The following PGS1 variants were observed in gnomAD, a reference collection of about 807,000 sequenced individuals.
PGS1 encodes phosphatidylglycerophosphate synthase 1.
PGS1 carries 44 observed loss-of-function variants against 58.3 expected under a neutral mutation model. The ratio of observed to expected loss-of-function variants is 0.75; its 90% CI spans 0.59 to 0.97. PGS1 has a LOEUF of 0.97. Ranked by LOEUF, PGS1 falls within the 50% of genes least tolerant of loss-of-function variation. PGS1 has a pLI of 0.00. For missense variants in PGS1, 684 were observed against 731.1 expected (o/e 0.94, Z 0.74); for synonymous variants, 330 against 311.0 (o/e 1.06, Z -0.64).
At chr17:78,388,116 T>G (rs1455914308) in intron 1 of PGS1, among the ~76,000 whole-genome samples, 1 of 152,216 alleles carries the variant, frequency 6.6e-6, no homozygotes, top group East Asian at 1.9e-4. Flanking sequence ...AACCTGTCAG[T>G]ACACAGATTA....
intron 7 of PGS1, among the ~76,000 whole-genome samples, chr17:78,409,914 C>G (rs1275444524): frequency 1.3e-5 from 2 of 152,132 alleles, no homozygotes; most frequent in Non-Finnish European, 2.9e-5. Flanking sequence ...AGTTTGAGAC[C>G]AATCTGGCCA....
chr17:78,415,121 C>A, intron 8 of PGS1, 94 bp downstream of exon 8: 1 of 1,408,392 alleles, frequency 7.1e-7, no homozygotes, highest in South Asian at 1.2e-5. Flanking sequence ...AGAGCTGTTT[C>A]CTGAGGCAAC....
intron 6 of PGS1, among the ~76,000 whole-genome samples, chr17:78,402,631 A>G (rs1394871098): frequency 6.6e-6 from 1 of 152,104 alleles, no homozygotes; most frequent in East Asian, 1.9e-4. Flanking sequence ...TACTCTTGGT[A>G]GAGACAGGGT....
intron 7 of PGS1, among the ~76,000 whole-genome samples, chr17:78,406,571 C>T (rs1001340738): frequency 9.9e-5 from 15 of 152,250 alleles, no homozygotes; most frequent in Admixed American, 2.0e-4. Flanking sequence ...GCCACACTGT[C>T]CTGCAGGACC....
chr17:78,401,976 C>T lies in PGS1; in HGVS notation c.880+1121C>T, dbSNP rs375378607. Among the ~76,000 whole-genome samples, 34 of 152,294 alleles carry T rather than the reference C, an allele frequency of 2.2e-4. No homozygotes were observed. The East Asian group carries it at 2.9e-3, about 13-fold the overall frequency. ...AGGCCAGGATGAGAGCCAGCACGCTCCGAGCAGGAGCGGGGAGACTCGAGC... is the reference window on the plus strand; with the variant it reads ...AGGCCAGGATGAGAGCCAGCACGCTTCGAGCAGGAGCGGGGAGACTCGAGC... On this transcript the variant is annotated intron_variant, in intron 6 of 9. Transcript: ENST00000262764.
At chr17:78,397,807 G>A (rs1483085081) in intron 3 of PGS1, among the ~76,000 whole-genome samples, 3 of 152,208 alleles carry the variant, frequency 2.0e-5, no homozygotes, top group African/African-American at 7.2e-5. Flanking sequence ...GGAGAAGAAT[G>A]GAATGTCCGC....
At chr17:78,402,741 C>T (rs1006879891) in intron 6 of PGS1, among the ~76,000 whole-genome samples, 3 of 152,246 alleles carry the variant, frequency 2.0e-5, no homozygotes, top group African/African-American at 7.2e-5. Flanking sequence ...GCGTGAGCCA[C>T]TGTGCCCGGC....
At chr17:78,402,971 G>T (rs750853448) in intron 6 of PGS1, among the ~76,000 whole-genome samples, 1 of 152,098 alleles carries the variant, frequency 6.6e-6, no homozygotes, top group Non-Finnish European at 1.5e-5. Flanking sequence ...GAGCCTGCCC[G>T]TTCTTCCTCT....
At chr17:78,390,062 T>TCCCCCCCCCCCCCCCCC (rs1555628316) in intron 1 of PGS1, among the ~76,000 whole-genome samples, 8 of 128,598 alleles carry the variant, frequency 6.2e-5, no homozygotes, top group Non-Finnish European at 6.6e-5. Context: ...TGTTGCCTGT[T>TCCCCCCCCCCCCCCCCC]CCCCCGCCCC....
In PGS1 at chr17:78,396,356, C is replaced by G. The variant is rs1423442701; in HGVS notation, c.382C>G (p.Leu128Val). 1 of 1,613,216 alleles carries G rather than the reference C, an allele frequency of 6.2e-7. No individual in the cohort carries two copies. The highest frequency in any genetic ancestry group is 2.2e-5 in the East Asian group (1 of 44,840). Residue 128 changes from leucine (L) to valine (V), a missense_variant, in exon 3 of 10, where the codon CTG becomes GTG. Leu to Val is a conservative substitution (Grantham distance 32). Coordinates refer to ENST00000262764, the MANE Select transcript of PGS1 (RefSeq NM_024419.5). ...KRRVVMASLY[L>V]GTGPLEQELV... Reference sequence around the variant, plus strand: ...GCGGGTCGTGATGGCATCCCTCTACCTGGGGACAGGTCCTTTGGAACAGGA... The same window carrying G: ...GCGGGTCGTGATGGCATCCCTCTACGTGGGGACAGGTCCTTTGGAACAGGA...
At chr17:78,415,116 T>C in intron 8 of PGS1, 89 bp downstream of exon 8, 1 of 1,482,752 alleles carries the variant, frequency 6.7e-7, no homozygotes, top group South Asian at 1.2e-5. Context: ...CCCTGAGAGC[T>C]GTTTCCTGAG....
chr17:78,384,420 C>G (rs1328845261), intron 1 of PGS1, among the ~76,000 whole-genome samples: 2 of 152,158 alleles, frequency 1.3e-5, no homozygotes, highest in Non-Finnish European at 2.9e-5. Context: ...CATCAGTTCA[C>G]TTTTTTACAT....
chr17:78,423,849 T>A (rs1158940834), intron 9 of PGS1: 3 of 1,598,380 alleles, frequency 1.9e-6, no homozygotes, highest in Non-Finnish European at 2.6e-6. Context: ...GGTGCACAGG[T>A]GAAGGGCTGA....
chr17:78,417,473 G>C (rs975587336), intron 8 of PGS1, among the ~76,000 whole-genome samples: 3 of 152,040 alleles, frequency 2.0e-5, no homozygotes, highest in Non-Finnish European at 4.4e-5. Context: ...ACGGGGGCAG[G>C]GGGTAATGAA....
chr17:78,406,946 G>GT lies in PGS1; in HGVS notation c.1402+2858dup, dbSNP rs1179455901. 2.0e-5 allele frequency among the ~76,000 whole-genome samples: 3 copies of GT among 152,198 alleles called. No individual in the cohort carries two copies. In the East Asian group the frequency reaches 5.8e-4, roughly 29 times the overall value. On this transcript the variant is annotated intron_variant, in intron 7 of 9. Coordinates refer to ENST00000262764, the MANE Select transcript of PGS1 (RefSeq NM_024419.5). ...TTTCCCTGAAGTGGCTTTGATAAAC[G>GT]TGAGCTGACTCCCCAGTTACCGCTG...
intron 7 of PGS1, 79 bp from the exon 8 acceptor site, chr17:78,414,800 T>C: frequency 1.3e-6 from 2 of 1,534,394 alleles, no homozygotes; most frequent in African/African-American, 1.4e-5. Context: ...GCCTTTCTCT[T>C]AGATTGCAGC....
At chr17:78,414,505 T>C (rs1021971738) in intron 7 of PGS1, among the ~76,000 whole-genome samples, 3 of 152,090 alleles carry the variant, frequency 2.0e-5, no homozygotes, top group African/African-American at 7.2e-5. Flanking sequence ...GGCCCTGAGC[T>C]CTCTGGGGAG....
intron 1 of PGS1, among the ~76,000 whole-genome samples, chr17:78,389,212 A>G: frequency 1.3e-5 from 2 of 149,886 alleles, no homozygotes; most frequent in African/African-American, 2.5e-5. Flanking sequence ...TTTGAGACGG[A>G]GTGTCGCTCT....
chr17:78,390,121 C>T (rs1476590514), intron 1 of PGS1, among the ~76,000 whole-genome samples: 7 of 137,492 alleles, frequency 5.1e-5, no homozygotes, highest in African/African-American at 1.3e-4. Flanking sequence ...CTTGGGGCCT[C>T]GGGTTGATGG....
Sources: allele counts gnomAD v4.1 joint callset (sites outside exome capture counted in the v4.1 genomes callset), GRCh38; gene constraint gnomAD v4.1.1; transcripts MANE v1.5; gene names NCBI Gene and HGNC (gene_info 2026-07-23, HGNC 2026-07-21).